Variants in TMEM74 observed in about 807,000 individuals in gnomAD.
The protein encoded by TMEM74 is transmembrane protein 74.
A neutral mutation model predicts 18.1 loss-of-function variants in TMEM74; 13 were observed. That is an observed-to-expected ratio of 0.72 (90% CI 0.47 to 1.14). The LOEUF is 1.14. TMEM74 is among the 50% of genes most tolerant of loss of function. The pLI, the probability that TMEM74 is intolerant of heterozygous loss-of-function variation, is 0.00. For missense variants in TMEM74, 372 were observed against 375.9 expected, an observed-to-expected ratio of 0.99 and a Z score of 0.09; for synonymous variants, 159 against 146.6, an observed-to-expected ratio of 1.08 and a Z score of -0.61.
At chr8:108,712,702 C>G (rs957245439) in intron 1 of TMEM74, among the ~76,000 whole-genome samples, 2 of 152,066 alleles carry the variant, frequency 1.3e-5, no homozygotes, top group African/African-American at 4.8e-5. Context: ...TCCCATACTA[C>G]CATGCTATAT....
intron 1 of TMEM74, among the ~76,000 whole-genome samples, chr8:108,753,421 A>C (rs3019895): frequency 0.38 from 58,416 of 151,880 alleles, 11,671 homozygotes; most frequent in African/African-American, 0.48. Context: ...CATTTGCCAT[A>C]AAAATATCTT....
At chr8:108,648,382 T>C (rs770816249) in intron 2 of TMEM74, among the ~76,000 whole-genome samples, 22 of 152,118 alleles carry the variant, frequency 1.4e-4, no homozygotes, top group Non-Finnish European at 2.9e-4. Context: ...GCTGACAATC[T>C]GCCAACTGCC....
intron 1 of TMEM74, among the ~76,000 whole-genome samples, chr8:108,746,972 C>T (rs1024496703): frequency 5.3e-5 from 8 of 152,054 alleles, no homozygotes; most frequent in African/African-American, 1.7e-4. Flanking sequence ...TAATAAACTG[C>T]CAATCTAGTA....
intron 1 of TMEM74, among the ~76,000 whole-genome samples, chr8:108,728,194 G>T (rs1813660111): frequency 6.6e-6 from 1 of 152,164 alleles, no homozygotes; most frequent in Non-Finnish European, 1.5e-5. Context: ...TGGGCCAAGA[G>T]AAGTTGTTTT....
downstream of TMEM74, among the ~76,000 whole-genome samples, chr8:108,776,918 T>G (rs772064509): frequency 2.6e-5 from 4 of 152,032 alleles, no homozygotes; most frequent in Admixed American, 1.3e-4. Flanking sequence ...CCCAATTCAG[T>G]TTTTCATCAG....
At chr8:108,671,837 A>T (rs968947508) in intron 1 of TMEM74, among the ~76,000 whole-genome samples, 5 of 152,180 alleles carry the variant, frequency 3.3e-5, no homozygotes, top group African/African-American at 1.2e-4. Flanking sequence ...GATGAATTCC[A>T]TATTGCCTTC....
chr8:108,632,035 A>G (rs1410875773), intron 2 of TMEM74, among the ~76,000 whole-genome samples: 1 of 152,020 alleles, frequency 6.6e-6, no homozygotes, highest in African/African-American at 2.4e-5. Context: ...TACCATTTCA[A>G]CTGGGAGGCA....
At chr8:108,711,782 A>G (rs1321537396) in intron 1 of TMEM74, among the ~76,000 whole-genome samples, 1 of 152,114 alleles carries the variant, frequency 6.6e-6, no homozygotes, top group African/African-American at 2.4e-5. Context: ...CTGTCAGGAG[A>G]AGACATTACT....
rs185952989 is a variant in TMEM74, at chr8:108,637,104, G to A, written n.264+18189C>T. On this transcript the variant is annotated intron_variant and non_coding_transcript_variant, in intron 2 of 3. Coordinates refer to the TMEM74 transcript ENST00000518838. ...ATTACTCCTGCTATTCTTGACAAGC[G>A]AAAGTTCAAGCATTATATTCTCTAA... is the stretch of plus-strand genomic sequence containing the variant. 2.4e-4 allele frequency among the ~76,000 whole-genome samples: 36 copies of A among 152,158 alleles called. No homozygotes were observed. In the East Asian group the frequency reaches 5.4e-3, roughly 23 times the overall value.
rs769490030 is a variant in TMEM74 at position 108,614,748 on chromosome 8, G to A, written n.265-5922C>T. Among the ~76,000 whole-genome samples, 89 of 152,142 alleles carry A rather than the reference G, an allele frequency of 5.8e-4. 1 individual carries two copies. Among genetic ancestry groups the A allele is most frequent in the Non-Finnish European group, 7.9e-4 (54 of 68,006 alleles). On this transcript the variant is annotated intron_variant and non_coding_transcript_variant, in intron 2 of 3. Transcript: ENST00000518838. Reference sequence around the variant, plus strand: ...CATTGGGGTGAGGGGCCAGCAGGTGGGCATTGAGTGTTACATTTACTTCAC... The same window carrying A: ...CATTGGGGTGAGGGGCCAGCAGGTGAGCATTGAGTGTTACATTTACTTCAC...
chr8:108,732,251 C>T lies in TMEM74; in HGVS notation n.119+55225G>A, dbSNP rs891863963. 2.6e-5 allele frequency among the ~76,000 whole-genome samples: 4 copies of T among 152,046 alleles called. No homozygotes were observed. In the South Asian group the frequency reaches 8.3e-4, roughly 32 times the overall value. ...AGTGCTGAGTGAAATTTTAAAAGAC[C>T]GAAGTAAATAGAAAGAAACAGCATA... On this transcript the variant is annotated intron_variant and non_coding_transcript_variant, in intron 1 of 3. Coordinates refer to the TMEM74 transcript ENST00000518838.
intron 1 of TMEM74, among the ~76,000 whole-genome samples, chr8:108,681,013 A>G (rs1813108457): frequency 6.6e-6 from 1 of 152,236 alleles, no homozygotes; most frequent in South Asian, 2.1e-4. Flanking sequence ...AATGAAATAA[A>G]GGAGGATACA....
chr8:108,699,192 C>T lies in TMEM74; in HGVS notation n.120-43755G>A, dbSNP rs1195384540. 2.3e-5 allele frequency among the ~76,000 whole-genome samples: 3 copies of T among 133,078 alleles called. No individual in the cohort carries two copies. In the Admixed American group the frequency reaches 2.3e-4, roughly 10 times the overall value. The allele number at this position is 133,078 out of a possible 152,430, so 87.3% of individuals were successfully genotyped here. A position where few individuals can be genotyped will look rare whatever the true frequency, so the allele number is the denominator to read the frequency against. On this transcript the variant is annotated intron_variant and non_coding_transcript_variant, in intron 1 of 3. Transcript: ENST00000518838. ...TCCTTCCTTCCTTCCTTCCTCCCTC[C>T]CTCCCTCCCTCCCTCCCTCTCTCCC...
chr8:108,622,678 T>A (rs889882453), intron 2 of TMEM74, among the ~76,000 whole-genome samples: 1 of 152,112 alleles, frequency 6.6e-6, no homozygotes, highest in Non-Finnish European at 1.5e-5. Context: ...GTTATCTTAG[T>A]ATTTTATAGT....
At chr8:108,733,980 T>C (rs1269172037) in intron 1 of TMEM74, among the ~76,000 whole-genome samples, 1 of 152,202 alleles carries the variant, frequency 6.6e-6, no homozygotes. Context: ...TGATGGTTAA[T>C]TTTAGGTGTC....
chr8:108,762,578 G>C (rs1475647053), intron 1 of TMEM74, among the ~76,000 whole-genome samples: 2 of 152,086 alleles, frequency 1.3e-5, no homozygotes, highest in Non-Finnish European at 2.9e-5. Context: ...CTTGTCACCA[G>C]TCAAGCTTCA....
chr8:108,740,635 T>C (rs976477323), intron 1 of TMEM74, among the ~76,000 whole-genome samples: 1 of 152,222 alleles, frequency 6.6e-6, no homozygotes, highest in Admixed American at 6.5e-5. Flanking sequence ...TGTCACATTT[T>C]TGCAATTTTC....
At chr8:108,641,802 T>A (rs536462921) in intron 2 of TMEM74, among the ~76,000 whole-genome samples, 1 of 152,212 alleles carries the variant, frequency 6.6e-6, no homozygotes, top group East Asian at 1.9e-4. Flanking sequence ...TTCTCCTTCA[T>A]CTTAAGTTGG....
At chr8:108,719,013 T>C (rs1813558725) in intron 1 of TMEM74, among the ~76,000 whole-genome samples, 1 of 151,574 alleles carries the variant, frequency 6.6e-6, no homozygotes. Context: ...CACATATATA[T>C]ATATTTGTAT....
Sources: allele counts gnomAD v4.1 joint callset (sites outside exome capture counted in the v4.1 genomes callset), GRCh38; gene constraint gnomAD v4.1.1; transcripts MANE v1.5; gene names NCBI Gene and HGNC (gene_info 2026-07-23, HGNC 2026-07-21).